The following ROBO2 variants were observed in gnomAD, a reference collection of about 807,000 sequenced individuals.
ROBO2 encodes the protein roundabout guidance receptor 2.
A neutral mutation model predicts 160.8 loss-of-function variants in ROBO2; 53 were observed. The observed-to-expected ratio is 0.33, with a 90% CI of 0.26 to 0.41. The LOEUF is 0.41. Among genes scored for constraint, ROBO2 ranks in the 10% least tolerant of loss-of-function variants. ROBO2 has a pLI of 1.00. For missense variants in ROBO2, 1,577 were observed against 1,722.4 expected (o/e 0.92, Z 1.49); for synonymous variants, 664 against 611.7 (o/e 1.09, Z -1.26).
At chr3:77,592,357 T>G (rs2094200645) in intron 17 of ROBO2, among the ~76,000 whole-genome samples, 1 of 152,110 alleles carries the variant, frequency 6.6e-6, no homozygotes, top group African/African-American at 2.4e-5. Flanking sequence ...AAAAACATAT[T>G]TTAATGATGA....
At chr3:76,271,543 ACT>A (rs1167051536) in intron 2 of ROBO2, among the ~76,000 whole-genome samples, 1 of 150,260 alleles carries the variant, frequency 6.7e-6, no homozygotes, top group African/African-American at 2.5e-5. Flanking sequence ...AATACCTGTC[ACT>A]CTGCAATCTT....
At chr3:76,944,077 G>T (rs939689361) in intron 2 of ROBO2, among the ~76,000 whole-genome samples, 1 of 151,970 alleles carries the variant, frequency 6.6e-6, no homozygotes, top group Admixed American at 6.6e-5. Flanking sequence ...TAGTCTTAAA[G>T]TTTCAATACA....
In ROBO2 at chr3:77,585,303, C is replaced by T. The variant is rs191600782; in HGVS notation, c.2501-3448C>T. ...AAAAAATTACAAGCATACGATATAA[C>T]CAAGCTCATGTCATGACAATCACAG... On this transcript the variant is annotated intron_variant, in intron 16 of 25. Transcript: ENST00000461745. 3.7e-3 allele frequency among the ~76,000 whole-genome samples: 557 copies of T among 151,060 alleles called. 10 individuals carry two copies. Among genetic ancestry groups the T allele is most frequent in the Admixed American group, 3.8e-3 (58 of 15,132 alleles).
chr3:76,639,510 C>G (rs935531713), intron 2 of ROBO2, among the ~76,000 whole-genome samples: 9 of 151,420 alleles, frequency 5.9e-5, no homozygotes, highest in African/African-American at 1.9e-4. Flanking sequence ...ACTGAGAGAA[C>G]AAATTAGTAC....
chr3:75,930,209 A>G (rs193274138), intron 1 of ROBO2, among the ~76,000 whole-genome samples: 2 of 152,112 alleles, frequency 1.3e-5, no homozygotes, highest in African/African-American at 4.8e-5. Flanking sequence ...TGCCACCAGG[A>G]TCTAGATGCA....
At chr3:76,762,659 G>T (rs2061371869) in intron 2 of ROBO2, among the ~76,000 whole-genome samples, 1 of 151,488 alleles carries the variant, frequency 6.6e-6, no homozygotes, top group Admixed American at 6.6e-5. Flanking sequence ...TCACGTTCTG[G>T]TTTTACCTAT....
intron 21 of ROBO2, among the ~76,000 whole-genome samples, chr3:77,610,226 T>A (rs1157416170): frequency 6.6e-6 from 1 of 152,106 alleles, no homozygotes; most frequent in Non-Finnish European, 1.5e-5. Flanking sequence ...ATCTTCAGAA[T>A]TGATCTTCTA....
intron 1 of ROBO2, among the ~76,000 whole-genome samples, chr3:77,061,450 T>A (rs1275984332): frequency 6.6e-6 from 1 of 152,152 alleles, no homozygotes; most frequent in Non-Finnish European, 1.5e-5. Context: ...CTGGGGAGAA[T>A]CTTTTTACAA....
intron 2 of ROBO2, among the ~76,000 whole-genome samples, chr3:76,168,781 A>C (rs1575735153): frequency 6.6e-6 from 1 of 152,008 alleles, no homozygotes; most frequent in East Asian, 1.9e-4. Flanking sequence ...AATAAAATAT[A>C]AGTGTAATGC....
At chr3:75,948,943 T>C (rs1948433025) in intron 2 of ROBO2, among the ~76,000 whole-genome samples, 1 of 152,120 alleles carries the variant, frequency 6.6e-6, no homozygotes, top group African/African-American at 2.4e-5. Flanking sequence ...ACGGTATTTA[T>C]AGTGCATTTT....
At chr3:76,551,861 T>A (rs1304189664) in intron 2 of ROBO2, among the ~76,000 whole-genome samples, 1 of 152,112 alleles carries the variant, frequency 6.6e-6, no homozygotes, top group Non-Finnish European at 1.5e-5. Context: ...GTGTGCAGTG[T>A]CTGGACCCCG....
At chr3:76,833,572 A>G (rs768109896) in intron 2 of ROBO2, among the ~76,000 whole-genome samples, 1 of 152,192 alleles carries the variant, frequency 6.6e-6, no homozygotes, top group Non-Finnish European at 1.5e-5. Flanking sequence ...ATATCCACTA[A>G]ACTTAGACAT....
intron 2 of ROBO2, among the ~76,000 whole-genome samples, chr3:77,003,985 T>C (rs1163653068): frequency 6.6e-6 from 1 of 152,198 alleles, no homozygotes; most frequent in Admixed American, 6.5e-5. Context: ...TCTCAGAATA[T>C]ATAATCAAAC....
At chr3:76,671,706 GA>G (rs2092268733) in intron 2 of ROBO2, among the ~76,000 whole-genome samples, 1 of 151,752 alleles carries the variant, frequency 6.6e-6, no homozygotes. Flanking sequence ...ATTTCATTTA[GA>G]AAATACATCT....
At position 76,195,413 on chromosome 3, in the gene ROBO2, G is replaced by A. The variant is rs187031216; in HGVS notation, c.109+257811G>A. On this transcript the variant is annotated intron_variant, in intron 2 of 26. Coordinates refer to the ROBO2 transcript ENST00000487694. ...AGTGTTATTTATGGAATTACATTAG[G>A]ATCAAATATAAAGGATTGCCAATCC... is the stretch of plus-strand genomic sequence containing the variant. Among the ~76,000 whole-genome samples the A allele has an allele frequency of 3.4e-3, 525 of 152,240 alleles. 3 individuals are homozygous for A. The highest frequency in any genetic ancestry group is 0.012 in the African/African-American group (489 of 41,550).
At chr3:77,090,520 C>CT (rs1375387547) in intron 1 of ROBO2, among the ~76,000 whole-genome samples, 1 of 151,106 alleles carries the variant, frequency 6.6e-6, no homozygotes, top group Non-Finnish European at 1.5e-5. Flanking sequence ...GCCCGGCTAA[C>CT]TTTTTTTGTA....
At chr3:77,548,130 CACATACACATACACAT>C (rs759013862) in intron 7 of ROBO2, among the ~76,000 whole-genome samples, 2 of 150,964 alleles carry the variant, frequency 1.3e-5, no homozygotes, top group South Asian at 2.1e-4. Context: ...ACACACCACT[CACATACACATACACAT>C]ACATACACAT....
At chr3:77,219,443 T>TATAA (rs2085445226) in intron 2 of ROBO2, among the ~76,000 whole-genome samples, 1 of 129,898 alleles carries the variant, frequency 7.7e-6, no homozygotes, top group Admixed American at 8.1e-5. Flanking sequence ...TGTATATATA[T>TATAA]ATATATATAT....
At chr3:76,764,126 G>A (rs2061452851) in intron 2 of ROBO2, among the ~76,000 whole-genome samples, 1 of 151,718 alleles carries the variant, frequency 6.6e-6, no homozygotes, top group Non-Finnish European at 1.5e-5. Context: ...AGCTTTGTGT[G>A]TTTTGTCCTT....
Sources: allele counts gnomAD v4.1 joint callset (sites outside exome capture counted in the v4.1 genomes callset), GRCh38; gene constraint gnomAD v4.1.1; transcripts MANE v1.5; gene names NCBI Gene and HGNC (gene_info 2026-07-23, HGNC 2026-07-21).